Variants in CLVS1 observed in about 807,000 individuals in gnomAD.
CLVS1 encodes clavesin 1.
CLVS1 carries 10 observed loss-of-function variants against 33.1 expected under a neutral mutation model. That is an observed-to-expected ratio of 0.30 (90% CI 0.19 to 0.51). CLVS1 has a LOEUF of 0.51. Among genes scored for constraint, CLVS1 ranks in the 20% least tolerant of loss-of-function variants. The pLI is 0.97. For missense variants in CLVS1, 343 were observed against 433.4 expected, an observed-to-expected ratio of 0.79 and a Z score of 1.85; for synonymous variants, 163 against 166.1, an observed-to-expected ratio of 0.98 and a Z score of 0.14.
intron 2 of CLVS1, among the ~76,000 whole-genome samples, chr8:61,339,880 A>G (rs1811956916): frequency 6.6e-6 from 1 of 151,000 alleles, no homozygotes; most frequent in Non-Finnish European, 1.5e-5. Flanking sequence ...ATAGAGAAAG[A>G]GAAGGAGGGA....
intron 1 of CLVS1, among the ~76,000 whole-genome samples, chr8:61,295,748 G>A (rs552862867): frequency 1.3e-5 from 2 of 152,144 alleles, no homozygotes; most frequent in Non-Finnish European, 2.9e-5. Flanking sequence ...GCCTCTTAGT[G>A]TCTGTGTAAT....
chr8:61,050,887 A>G, the CLVS1 span, among the ~76,000 whole-genome samples: 1 of 152,272 alleles, frequency 6.6e-6, no homozygotes, highest in South Asian at 2.1e-4. Flanking sequence ...TAAGCAAAAC[A>G]CTTAATTACC....
At chr8:61,483,354 A>C (rs1205962975) in intron 5 of CLVS1, among the ~76,000 whole-genome samples, 2 of 152,270 alleles carry the variant, frequency 1.3e-5, no homozygotes, top group Non-Finnish European at 2.9e-5. Flanking sequence ...GAAATGGATA[A>C]ATTTCTGGAC....
chr8:61,004,510 G>T, the CLVS1 span, among the ~76,000 whole-genome samples: 7 of 152,184 alleles, frequency 4.6e-5, no homozygotes, highest in Non-Finnish European at 1.0e-4. Flanking sequence ...GACCAGGCCT[G>T]GTCTTTAAAA....
At chr8:61,218,636 T>A (rs1226610131) in intron 2 of CLVS1, among the ~76,000 whole-genome samples, 14 of 145,290 alleles carry the variant, frequency 9.6e-5, no homozygotes, top group Admixed American at 6.8e-5. Context: ...TATATGTCAA[T>A]AAAAAAAAAA....
chr8:61,433,637 G>A (rs139733230), intron 3 of CLVS1, among the ~76,000 whole-genome samples: 1,646 of 152,194 alleles, frequency 0.011, 10 homozygotes, highest in Non-Finnish European at 0.014. Context: ...TGACTCTGTG[G>A]GCTTCGAGTC....
At chr8:61,167,987 G>A (rs921098026) in intron 2 of CLVS1, among the ~76,000 whole-genome samples, 2 of 152,224 alleles carry the variant, frequency 1.3e-5, no homozygotes, top group South Asian at 4.1e-4. Context: ...GGGCTGCTCT[G>A]TCTATGAAGC....
chr8:61,267,302 C>A (rs545804233), intron 2 of CLVS1, among the ~76,000 whole-genome samples: 98 of 152,076 alleles, frequency 6.4e-4, no homozygotes, highest in African/African-American at 2.0e-3. Flanking sequence ...TTTCATTTTT[C>A]AATTATGTAT....
intron 5 of CLVS1, among the ~76,000 whole-genome samples, chr8:61,491,545 T>C (rs1236022244): frequency 6.6e-6 from 1 of 152,216 alleles, no homozygotes; most frequent in Non-Finnish European, 1.5e-5. Flanking sequence ...CATAATTTAT[T>C]AAGAGAGATT....
chr8:60,996,999 TA>T, the CLVS1 span, among the ~76,000 whole-genome samples: 1 of 151,334 alleles, frequency 6.6e-6, no homozygotes, highest in African/African-American at 2.4e-5. Flanking sequence ...CAGCAATGTA[TA>T]TTTCAAGAGT....
chr8:61,148,707 C>T (rs1806464368), intron 2 of CLVS1, among the ~76,000 whole-genome samples: 1 of 152,136 alleles, frequency 6.6e-6, no homozygotes, highest in African/African-American at 2.4e-5. Context: ...GACAGCCAGA[C>T]CAAATCTAGA....
intron 2 of CLVS1, among the ~76,000 whole-genome samples, chr8:61,205,770 G>C (rs1310006780): frequency 6.6e-6 from 1 of 152,126 alleles, no homozygotes; most frequent in Non-Finnish European, 1.5e-5. Context: ...ATCAACACAT[G>C]TAATTATTTT....
chr8:61,467,215 G>T (rs1218425609), intron 5 of CLVS1, among the ~76,000 whole-genome samples: 1 of 152,188 alleles, frequency 6.6e-6, no homozygotes, highest in Non-Finnish European at 1.5e-5. Context: ...TGATCCAAAG[G>T]TAGAGAGTTC....
chr8:61,456,064 C>A (rs961677039), intron 4 of CLVS1, among the ~76,000 whole-genome samples: 3 of 152,222 alleles, frequency 2.0e-5, no homozygotes, highest in African/African-American at 7.2e-5. Context: ...GGCTTTCCAG[C>A]AACTTATTCT....
intron 2 of CLVS1, among the ~76,000 whole-genome samples, chr8:61,349,009 T>C (rs1021494674): frequency 6.6e-6 from 1 of 152,166 alleles, no homozygotes; most frequent in Non-Finnish European, 1.5e-5. Flanking sequence ...CTGTCGGCCA[T>C]TTGTATGTCT....
At chr8:61,019,389 C>T in the CLVS1 span, among the ~76,000 whole-genome samples, 1 of 152,306 alleles carries the variant, frequency 6.6e-6, no homozygotes, top group South Asian at 2.1e-4. Context: ...GTGTCAGCCA[C>T]TTGTGAGAAT....
At chr8:61,426,120 C>T (rs1815883023) in intron 3 of CLVS1, among the ~76,000 whole-genome samples, 2 of 152,304 alleles carry the variant, frequency 1.3e-5, no homozygotes, top group African/African-American at 4.8e-5. Flanking sequence ...TCACACTCCG[C>T]CCCTATTCTA....
the CLVS1 span, among the ~76,000 whole-genome samples, chr8:60,974,243 C>G: frequency 6.6e-6 from 1 of 152,068 alleles, no homozygotes; most frequent in Non-Finnish European, 1.5e-5. Flanking sequence ...TCCCCAAGTC[C>G]CCTGCCTCCA....
intron 5 of CLVS1, among the ~76,000 whole-genome samples, chr8:61,490,827 G>A (rs571191165): frequency 5.9e-5 from 9 of 151,318 alleles, no homozygotes; most frequent in Non-Finnish European, 1.2e-4. Context: ...GCGTGGTGGC[G>A]GGTGCCTGTA....
Sources: allele counts gnomAD v4.1 joint callset (sites outside exome capture counted in the v4.1 genomes callset), GRCh38; gene constraint gnomAD v4.1.1; transcripts MANE v1.5; gene names NCBI Gene and HGNC (gene_info 2026-07-23, HGNC 2026-07-21).